The following CRY2 variants were observed in gnomAD, a reference collection of about 807,000 sequenced individuals.
CRY2 encodes the protein cryptochrome circadian regulator 2.
CRY2 carries 31 observed loss-of-function variants against 69.5 expected under a neutral mutation model. The observed-to-expected ratio is 0.45, with a 90% CI of 0.34 to 0.60. CRY2 has a LOEUF of 0.60. Among genes scored for constraint, CRY2 ranks in the 20% least tolerant of loss-of-function variants. CRY2 has a pLI of 0.02. For missense variants in CRY2, 606 were observed against 797.8 expected, an observed-to-expected ratio of 0.76 and a Z score of 2.90; for synonymous variants, 303 against 312.2, an observed-to-expected ratio of 0.97 and a Z score of 0.31.
chr11:45,861,930 A>T (rs146753417), intron 4 of CRY2, 130 bp from the exon 5 acceptor site: 32 of 766,306 alleles, frequency 4.2e-5, no homozygotes, highest in African/African-American at 3.4e-4. Flanking sequence ...AACTTTAAGG[A>T]TTATCTAACC....
chr11:45,870,148 C>T lies in CRY2; in HGVS notation c.1290C>T (p.His430=), dbSNP rs374027386. ...SCSAFFQQFF[H]CYCPVGFGRR... The stretch of plus-strand genomic sequence containing the variant: ...GTGCTTTCTTCCAGCAGTTCTTCCA[C>T]TGCTACTGCCCTGTGGGCTTTGGCC... Residue 430 remains histidine, a synonymous_variant, in exon 8 of 12, where the codon CAC becomes CAT. Coordinates refer to ENST00000616080, the MANE Select transcript of CRY2 (RefSeq NM_021117.5). The T allele has an allele frequency of 3.5e-5, 57 of 1,613,780 alleles. No homozygotes were observed. The highest frequency in any genetic ancestry group is 6.7e-5 in the Admixed American group (4 of 60,004).
At chr11:45,855,379 T>G (rs1279168709) in intron 1 of CRY2, among the ~76,000 whole-genome samples, 2 of 151,514 alleles carry the variant, frequency 1.3e-5, no homozygotes, top group Non-Finnish European at 2.9e-5. Flanking sequence ...AGTCAAGGAG[T>G]CTTTTCCACC....
chr11:45,865,306 A>G (rs762856563), intron 5 of CRY2, among the ~76,000 whole-genome samples: 14 of 152,224 alleles, frequency 9.2e-5, no homozygotes, highest in Non-Finnish European at 1.8e-4. Context: ...GGATGAGCAC[A>G]TAGACTCTTG....
chr11:45,879,606 T>G (rs2086452558), intron 11 of CRY2, among the ~76,000 whole-genome samples: 1 of 152,250 alleles, frequency 6.6e-6, no homozygotes, highest in Non-Finnish European at 1.5e-5. Flanking sequence ...ATTTCCTTTT[T>G]TGGCTCTGCC....
At chr11:45,856,142 TC>T in intron 2 of CRY2, 52 bp downstream of exon 2, 1 of 1,367,000 alleles carries the variant, frequency 7.3e-7, no homozygotes, top group Non-Finnish European at 1.0e-6. Context: ...CCTGACGGTT[TC>T]CCCACAGCCT....
chr11:45,867,743 G>A lies in CRY2; in HGVS notation c.873G>A (p.Leu291=), dbSNP rs146124989. 238 of 1,614,172 alleles carry A rather than the reference G, an allele frequency of 1.5e-4. 4 individuals are homozygous for A. In the East Asian group the frequency reaches 2.9e-3, roughly 20 times the overall value. ...CRLFYYRLWD[L]YKKVKRNSTP... is the part of the protein sequence containing the mutation. ...TCTTCTACTACCGCCTGTGGGACCT[G>A]TATAAAAAGGTAAGGGGGACATACC... The change falls in exon 6 of 12, where the codon CTG becomes CTA. Residue 291 remains leucine, a synonymous_variant. Transcript: ENST00000616080.
intron 5 of CRY2, among the ~76,000 whole-genome samples, chr11:45,865,765 A>G (rs1249494741): frequency 6.6e-6 from 1 of 152,266 alleles, no homozygotes; most frequent in Non-Finnish European, 1.5e-5. Context: ...GGCAAGAGAC[A>G]GAGCTGGAAA....
intron 6 of CRY2, 61 bp downstream of exon 6, chr11:45,867,813 G>A: frequency 6.2e-7 from 1 of 1,606,508 alleles, no homozygotes; most frequent in Non-Finnish European, 8.5e-7. Flanking sequence ...TTTTGGGCTT[G>A]TCAGTCACCC....
rs762033858 is a variant in CRY2, at chr11:45,872,118, G to A, written c.1669G>A (p.Ala557Thr). ...CCCAAGACCACTACCCAGTGGCCCAGCATCCCCCAAACGCAAGCTGGAAGC... is the reference window on the plus strand; with the variant it reads ...CCCAAGACCACTACCCAGTGGCCCAACATCCCCCAAACGCAAGCTGGAAGC... ...AGPRPLPSGP[A>T]SPKRKLEAAE... Residue 557 changes from alanine to threonine, a missense_variant, in exon 11 of 12, where the codon GCA (alanine) becomes ACA (threonine). Ala to Thr is a moderately conservative substitution (Grantham distance 58, BLOSUM62 0). Transcript: ENST00000616080. 6.2e-7 allele frequency: 1 copy of A among 1,614,090 alleles called. No homozygotes were observed. The highest frequency in any genetic ancestry group is 8.5e-7 in the Non-Finnish European group (1 of 1,179,994).
chr11:45,861,687 C>T (rs1291898013), intron 4 of CRY2: 5 of 242,404 alleles, frequency 2.1e-5, no homozygotes, highest in Non-Finnish European at 4.0e-5. Flanking sequence ...AGTGATCCAC[C>T]CACATCGGCC....
chr11:45,876,672 C>A (rs1189566330), intron 11 of CRY2, among the ~76,000 whole-genome samples: 2 of 152,228 alleles, frequency 1.3e-5, no homozygotes, highest in Non-Finnish European at 2.9e-5. Context: ...TCCCCTCCCC[C>A]GCGGGCTTTT....
In CRY2 at chr11:45,847,719, G is replaced by A; in HGVS notation, c.215+14G>A. 1.3e-6 allele frequency: 2 copies of A among 1,546,310 alleles called. No individual in the cohort carries two copies. Among genetic ancestry groups the A allele is most frequent in the Non-Finnish European group, 1.7e-6 (2 of 1,144,282 alleles). On this transcript the variant is annotated intron_variant, in intron 1 of 11. Transcript: ENST00000616080. ...CAACCGATGGAGGTGAGGGGACCCG[G>A]GGCTGGGTGGCGGGGACGCAGCCAG... is the stretch of plus-strand genomic sequence containing the variant.
intron 3 of CRY2, among the ~76,000 whole-genome samples, chr11:45,860,193 A>G (rs770572536): frequency 9.9e-5 from 15 of 152,202 alleles, no homozygotes; most frequent in Non-Finnish European, 2.2e-4. Flanking sequence ...TTCCCTGGTC[A>G]TGAAAAATAC....
At position 45,858,816 on chromosome 11, in the gene CRY2, A is replaced by G; in HGVS notation, c.410A>G (p.Lys137Arg). 1 of 1,614,210 alleles carries G rather than the reference A, an allele frequency of 6.2e-7. No homozygotes were observed. Among genetic ancestry groups the G allele is most frequent in the South Asian group, 1.1e-5 (1 of 91,084 alleles). Reference protein sequence around the residue: ...ERDAAIMKMAKEAGVEVVTEN... With the variant: ...ERDAAIMKMAREAGVEVVTEN... The stretch of plus-strand genomic sequence containing the variant: ...GATGCAGCCATCATGAAGATGGCCA[A>G]GGAGGCTGGTGTGGAAGTAGTGACG... Residue 137 changes from lysine (K) to arginine (R), a missense_variant, in exon 3 of 12, where the codon AAG becomes AGG. Coordinates refer to ENST00000616080, the MANE Select transcript of CRY2 (RefSeq NM_021117.5).
chr11:45,861,118 A>G (rs1173917073), intron 4 of CRY2, 86 bp downstream of exon 4: 2 of 1,418,078 alleles, frequency 1.4e-6, no homozygotes, highest in African/African-American at 2.9e-5. Flanking sequence ...ATGTCATTAT[A>G]GAAAGGTTAG....
upstream of CRY2, chr11:45,847,310 C>G: frequency 6.4e-7 from 1 of 1,574,148 alleles, no homozygotes; most frequent in Admixed American, 1.9e-5. Context: ...GGGCCTGTTC[C>G]GGCGCCTCTG....
At chr11:45,869,385 A>G in intron 6 of CRY2, 121 bp from the exon 7 acceptor site, 2 of 1,042,910 alleles carry the variant, frequency 1.9e-6, no homozygotes, top group South Asian at 1.5e-5. Flanking sequence ...GTCCCTCCAC[A>G]TCTGGCAGCT....
Position 45,870,517 on chromosome 11 carries a change from C to A in CRY2, c.1534C>A (p.Arg512Ser). The stretch of plus-strand genomic sequence containing the variant: ...GAAGCAGATTTACCAGCAGCTTTCG[C>A]GCTACCGGGGACTCTGTAAGGAGAC... ...RMKQIYQQLS[R>S]YRGLCLLASV... Residue 512 changes from arginine (R) to serine (S), a missense_variant, in exon 9 of 12, where the codon CGC becomes AGC. By Grantham distance (110) the Arg-to-Ser change is moderately radical. Around this residue, in one of 5 missense-constraint regions of CRY2, gnomAD observed 173 missense variants for 213.7 expected, o/e 0.81. Coordinates refer to ENST00000616080, the MANE Select transcript of CRY2 (RefSeq NM_021117.5). 2.5e-6 allele frequency: 4 copies of A among 1,614,058 alleles called. No individual in the cohort carries two copies. Among genetic ancestry groups the A allele is most frequent in the Non-Finnish European group, 2.5e-6 (3 of 1,180,006 alleles).
rs546032904 is a variant in CRY2, at chr11:45,859,448, A to G, written c.467+575A>G. The stretch of plus-strand genomic sequence containing the variant: ...ATGGTGGGACATGCCTGTAGTCCCA[A>G]TTACTGAAGAGGCTGAGGTTGGAGG... On this transcript the variant is annotated intron_variant, in intron 3 of 11. Transcript: ENST00000616080. 1.8e-4 allele frequency among the ~76,000 whole-genome samples: 27 copies of G among 152,018 alleles called. No homozygotes were observed. The South Asian group carries it at 5.4e-3, about 31-fold the overall frequency.
Sources: gnomAD v4.1 joint callset for allele counts (sites outside exome capture counted in the v4.1 genomes callset) on GRCh38, gnomAD v4.1.1 for gene constraint, gnomAD v4.1.1 regional missense constraint, MANE v1.5 for transcripts, NCBI Gene and HGNC (gene_info 2026-07-23, HGNC 2026-07-21) for gene names.